The following ATP10A variants were observed in gnomAD, a reference collection of about 807,000 sequenced individuals.
ATP10A encodes ATPase phospholipid transporting 10A (putative).
A neutral mutation model predicts 147.8 loss-of-function variants in ATP10A; 111 were observed. The ratio of observed to expected loss-of-function variants is 0.75; its 90% confidence interval spans 0.64 to 0.88. The LOEUF (loss-of-function observed/expected upper bound fraction) is 0.88. Ranked by LOEUF, ATP10A falls within the 40% of genes least tolerant of loss-of-function variation. The pLI is 0.00. For synonymous variants in ATP10A, 875 were observed against 841.6 expected (o/e 1.04, Z -0.69); for missense variants, 1,927 against 1,959.0 (o/e 0.98, Z 0.31).
chr15:25,847,884 G>A (rs1166452313), intron 1 of ATP10A, among the ~76,000 whole-genome samples: 1 of 151,814 alleles, frequency 6.6e-6, no homozygotes. Flanking sequence ...CACCCACCTT[G>A]GCCTCCCAAA....
intron 1 of ATP10A, among the ~76,000 whole-genome samples, chr15:25,861,315 A>C (rs891264903): frequency 6.6e-6 from 1 of 152,198 alleles, no homozygotes; most frequent in East Asian, 1.9e-4. Context: ...AGCACGAGCA[A>C]AGAAATATTC....
rs1416339946 is a variant in ATP10A, at chr15:25,862,351, G to A, written c.449+297C>T. The A allele has an allele frequency of 8.3e-6, 5 of 601,838 alleles. 1 individual carries two copies. The highest frequency in any genetic ancestry group is 4.6e-5 in the South Asian group (3 of 65,784). The allele number at this position is 601,838 out of a possible 1,614,324, so 37.3% of individuals were successfully genotyped here. On this transcript the variant is annotated intron_variant, in intron 1 of 20. Transcript: ENST00000555815. ...GGTGGGAGCGGCTGTGGATGAGGAT[G>A]TCCAGCGGCCGTCGGTTTCTAGCCT...
chr15:25,679,271 T>C lies in ATP10A; in HGVS notation c.*70A>G. 8.9e-7 allele frequency: 1 copy of C among 1,125,196 alleles called. No individual in the cohort carries two copies. The highest frequency in any genetic ancestry group is 3.2e-5 in the East Asian group (1 of 30,954). The allele number at this position is 1,125,196 out of a possible 1,614,324, so 69.7% of individuals were successfully genotyped here. A position where few individuals can be genotyped will look rare whatever the true frequency, so the allele number is the denominator to read the frequency against. The stretch of plus-strand genomic sequence containing the variant: ...GAAATACATCTCCCTAGAACTCTTC[T>C]GTGCAAATAATAAACATAAATAATA... On this transcript the variant is annotated 3_prime_UTR_variant, in exon 21 of 21. Transcript: ENST00000555815.
In ATP10A at chr15:25,840,018, C is replaced by T. The variant is rs1892747370; in HGVS notation, c.449+22630G>A. Among the ~76,000 whole-genome samples the T allele has an allele frequency of 3.9e-5, 6 of 152,138 alleles. No individual in the cohort carries two copies. In the South Asian group the frequency reaches 1.0e-3, roughly 26 times the overall value. ...AAGATGGCGCCAATGGGACAAGACC[C>T]CTCATGCTACCTCTCTGGGGCCACG... On this transcript the variant is annotated intron_variant, in intron 1 of 20. Transcript: ENST00000555815.
At chr15:25,733,987 G>A (rs12443110) in intron 3 of ATP10A, among the ~76,000 whole-genome samples, 20,070 of 152,114 alleles carry the variant, frequency 0.13, 2,990 homozygotes, top group African/African-American at 0.33. Context: ...CATCTTCCCC[G>A]GCACCCGGGG....
rs762306880 is a variant in ATP10A at position 25,681,038 on chromosome 15, C to A, written c.3529G>T (p.Asp1177Tyr). The change falls in exon 18 of 21, where the codon GAC becomes TAC. Residue 1177 changes from aspartate to tyrosine, a missense_variant. Transcript: ENST00000555815. ...RPRTFWFNMADAAFQSLVCFS... is the reference protein window; with the variant it reads ...RPRTFWFNMAYAAFQSLVCFS... ...CAAACCAGGCTCTGGAAGGCGGCGTCGGCCATGTTAAACCAGAACGTTCGT... is the reference window on the plus strand; with the variant it reads ...CAAACCAGGCTCTGGAAGGCGGCGTAGGCCATGTTAAACCAGAACGTTCGT... 1.9e-6 allele frequency: 3 copies of A among 1,614,080 alleles called. No individual in the cohort carries two copies. The highest frequency in any genetic ancestry group is 2.5e-6 in the Non-Finnish European group (3 of 1,179,990).
At chr15:25,808,471 G>A (rs1413205964) in intron 1 of ATP10A, among the ~76,000 whole-genome samples, 1 of 152,186 alleles carries the variant, frequency 6.6e-6, no homozygotes, top group African/African-American at 2.4e-5. Flanking sequence ...TGCAATCTCC[G>A]CCTCCTGGGT....
At chr15:25,741,913 A>G (rs187445036) in intron 2 of ATP10A, among the ~76,000 whole-genome samples, 2 of 152,376 alleles carry the variant, frequency 1.3e-5, no homozygotes, top group East Asian at 1.9e-4. Flanking sequence ...CCGAACGTAC[A>G]AGGAAACTTA....
intron 14 of ATP10A, among the ~76,000 whole-genome samples, chr15:25,693,131 C>T (rs977476401): frequency 1.3e-5 from 2 of 152,108 alleles, no homozygotes; most frequent in Admixed American, 1.3e-4. Context: ...AGGTGAGCCT[C>T]CCACCTCAGC....
chr15:25,832,076 T>C (rs1892378686), intron 1 of ATP10A, among the ~76,000 whole-genome samples: 1 of 151,932 alleles, frequency 6.6e-6, no homozygotes, highest in African/African-American at 2.4e-5. Context: ...CAGAGACTCA[T>C]GACAGAGAAG....
At chr15:25,788,645 C>T (rs1005842106) in intron 1 of ATP10A, among the ~76,000 whole-genome samples, 1 of 152,164 alleles carries the variant, frequency 6.6e-6, no homozygotes, top group Non-Finnish European at 1.5e-5. Flanking sequence ...AAATGAGCAG[C>T]GTGTTATATC....
chr15:25,752,709 G>A (rs1888218214), intron 2 of ATP10A, among the ~76,000 whole-genome samples: 1 of 152,080 alleles, frequency 6.6e-6, no homozygotes, highest in Admixed American at 6.5e-5. Context: ...AATTCATTAG[G>A]GTTTTGACAG....
chr15:25,702,264 T>C (rs563260310), intron 12 of ATP10A, among the ~76,000 whole-genome samples, 164 bp from the exon 13 acceptor site: 1 of 152,352 alleles, frequency 6.6e-6, no homozygotes, highest in Admixed American at 6.5e-5. Context: ...TGCCATGTAG[T>C]GACAGGAAGT....
intron 2 of ATP10A, among the ~76,000 whole-genome samples, chr15:25,777,753 C>T (rs375202205): frequency 4.0e-5 from 6 of 150,230 alleles, no homozygotes; most frequent in East Asian, 2.0e-4. Context: ...CTGCACACCA[C>T]GATATCTGGC....
At chr15:25,743,427 C>T (rs1567349866) in intron 2 of ATP10A, among the ~76,000 whole-genome samples, 1 of 152,158 alleles carries the variant, frequency 6.6e-6, no homozygotes, top group South Asian at 2.1e-4. Context: ...AGACAGCTGC[C>T]TGGAGGTATG....
intron 2 of ATP10A, among the ~76,000 whole-genome samples, chr15:25,778,779 A>G (rs916518379): frequency 6.6e-6 from 1 of 152,138 alleles, no homozygotes; most frequent in Non-Finnish European, 1.5e-5. Context: ...CGAGCTATGA[A>G]GTGCTGCAGT....
intron 1 of ATP10A, among the ~76,000 whole-genome samples, chr15:25,827,006 G>A (rs1489705036): frequency 6.6e-6 from 1 of 152,066 alleles, no homozygotes; most frequent in African/African-American, 2.4e-5. Flanking sequence ...GAATCTGGAA[G>A]AAAGAAAGAA....
intron 1 of ATP10A, among the ~76,000 whole-genome samples, chr15:25,847,456 G>A (rs536075437): frequency 7.9e-5 from 12 of 152,114 alleles, no homozygotes; most frequent in African/African-American, 2.9e-4. Flanking sequence ...AGAGAAATAC[G>A]TGAAGTTTTA....
At chr15:25,836,320 T>A (rs558661181) in intron 1 of ATP10A, among the ~76,000 whole-genome samples, 18 of 152,266 alleles carry the variant, frequency 1.2e-4, no homozygotes, top group Non-Finnish European at 2.4e-4. Context: ...TAACTTCAAC[T>A]CTCTCTTTCT....
Sources: gnomAD v4.1 joint callset for allele counts (sites outside exome capture counted in the v4.1 genomes callset) on GRCh38, gnomAD v4.1.1 for gene constraint, MANE v1.5 for transcripts, NCBI Gene and HGNC (gene_info 2026-07-23, HGNC 2026-07-21) for gene names.